Variants in ANKRD45 observed in about 807,000 individuals in gnomAD.
The protein encoded by ANKRD45 is ankyrin repeat domain 45.
Under a neutral mutation model 28.1 loss-of-function variants are expected in ANKRD45, and 21 were observed. The observed-to-expected ratio is 0.75, with a 90% CI of 0.53 to 1.08. The LOEUF (loss-of-function observed/expected upper bound fraction) is 1.08. ANKRD45 is among the 50% of genes least tolerant of loss of function. The pLI is 0.00. For missense variants in ANKRD45, 261 were observed against 308.7 expected, an observed-to-expected ratio of 0.85 and a Z score of 1.16; for synonymous variants, 86 against 103.9, an observed-to-expected ratio of 0.83 and a Z score of 1.05.
Position 173,610,043 on chromosome 1 carries a change from A to G in ANKRD45, c.*102T>C, listed in dbSNP as rs982786330. On this transcript the variant is annotated 3_prime_UTR_variant, in exon 6 of 6. Transcript: ENST00000333279. ...AAGGGCGATGTAATGTTGTACTTAA[A>G]TACTTAAAGAAACCCACATCTGTTT... 1 of 1,201,172 alleles carries G rather than the reference A, an allele frequency of 8.3e-7. No homozygotes were observed. The highest frequency in any genetic ancestry group is 1.2e-6 in the Non-Finnish European group (1 of 820,598). 74.4% of individuals were successfully genotyped at this position (1,201,172 alleles called of 1,614,324 possible).
chr1:173,625,060 G>A, intron 4 of ANKRD45, 135 bp from the exon 5 acceptor site: 1 of 822,266 alleles, frequency 1.2e-6, no homozygotes, highest in East Asian at 2.7e-5. Flanking sequence ...GTCCAATACA[G>A]TAGCCATTAG....
At chr1:173,617,860 T>A (rs908751928) in intron 5 of ANKRD45, among the ~76,000 whole-genome samples, 2 of 152,126 alleles carry the variant, frequency 1.3e-5, no homozygotes, top group Non-Finnish European at 2.9e-5. Context: ...TTCAGATACC[T>A]CCTACAGGAG....
At chr1:173,635,652 A>G (rs1331931336) in intron 3 of ANKRD45, 1 of 1,535,686 alleles carries the variant, frequency 6.5e-7, no homozygotes, top group Non-Finnish European at 8.7e-7. Context: ...GAAGTACATT[A>G]TTGGAAAGTT....
chr1:173,680,658 C>T, the ANKRD45 span, among the ~76,000 whole-genome samples: 37 of 151,892 alleles, frequency 2.4e-4, no homozygotes, highest in South Asian at 7.5e-3. Context: ...AAAATAAAGG[C>T]ACATGCATAT....
the ANKRD45 span, among the ~76,000 whole-genome samples, chr1:173,700,617 A>G: frequency 2.4e-4 from 36 of 152,230 alleles, no homozygotes; most frequent in Non-Finnish European, 4.1e-4. Context: ...CTGGCTAGCC[A>G]TATGTAGAAA....
the ANKRD45 span, among the ~76,000 whole-genome samples, chr1:173,702,217 G>A: frequency 1.3e-5 from 2 of 152,180 alleles, no homozygotes; most frequent in Admixed American, 6.5e-5. Flanking sequence ...TGGGTGACTA[G>A]GTAGCCTATG....
chr1:173,682,684 T>TACACACACACACACACACACAC, the ANKRD45 span, among the ~76,000 whole-genome samples: 353 of 144,014 alleles, frequency 2.5e-3, 4 homozygotes, highest in African/African-American at 8.4e-3. Flanking sequence ...GCCTTTTAAA[T>TACACACACACACACACACACAC]ACACACACAC....
At chr1:173,638,882 C>A in intron 3 of ANKRD45, among the ~76,000 whole-genome samples, 2 of 152,148 alleles carry the variant, frequency 1.3e-5, no homozygotes, top group East Asian at 3.9e-4. Context: ...GACTGACTAC[C>A]AAACAAAAGT....
At position 173,630,794 on chromosome 1, in the gene ANKRD45, T is replaced by G. The variant is rs1429044742; in HGVS notation, c.497-3635A>C. Among the ~76,000 whole-genome samples, 3 of 116,802 alleles carry G rather than the reference T, an allele frequency of 2.6e-5. No homozygotes were observed. In the Admixed American group the frequency reaches 3.5e-4, roughly 14 times the overall value. 76.6% of individuals were successfully genotyped at this position (116,802 alleles called of 152,430 possible). Reference sequence around the variant, plus strand: ...AAGATTGTGCCACTGCACTCTAACCTGGGTGACAGAGTAAGACTCTGTCTA... The same window carrying G: ...AAGATTGTGCCACTGCACTCTAACCGGGGTGACAGAGTAAGACTCTGTCTA... On this transcript the variant is annotated intron_variant, in intron 3 of 5. Coordinates refer to ENST00000333279, the MANE Select transcript of ANKRD45 (RefSeq NM_198493.3).
chr1:173,687,986 CTTTT>C, the ANKRD45 span, among the ~76,000 whole-genome samples: 1 of 128,598 alleles, frequency 7.8e-6, no homozygotes, highest in Non-Finnish European at 1.7e-5. Context: ...AATGTTGAAT[CTTTT>C]TTTTTTTTTT....
At chr1:173,694,208 G>C in the ANKRD45 span, among the ~76,000 whole-genome samples, 1 of 151,944 alleles carries the variant, frequency 6.6e-6, no homozygotes, top group African/African-American at 2.4e-5. Context: ...CTGTCACCCA[G>C]GCTGGAGTGC....
chr1:173,652,726 T>G (rs1469201136), intron 2 of ANKRD45, among the ~76,000 whole-genome samples: 1 of 152,220 alleles, frequency 6.6e-6, no homozygotes, highest in East Asian at 1.9e-4. Flanking sequence ...CATCTGCTCC[T>G]AGACTTTTTT....
chr1:173,695,582 T>G, the ANKRD45 span, among the ~76,000 whole-genome samples: 3 of 152,208 alleles, frequency 2.0e-5, no homozygotes, highest in Admixed American at 2.0e-4. Context: ...ATGTACTATA[T>G]TTTCTTCATC....
intron 2 of ANKRD45, among the ~76,000 whole-genome samples, chr1:173,651,058 T>C (rs1669190242): frequency 6.6e-6 from 1 of 152,210 alleles, no homozygotes; most frequent in African/African-American, 2.4e-5. Flanking sequence ...TTCACTCTGA[T>C]GGTAGTTTCT....
At chr1:173,639,273 C>G (rs1668598705) in intron 3 of ANKRD45, among the ~76,000 whole-genome samples, 1 of 152,152 alleles carries the variant, frequency 6.6e-6, no homozygotes, top group Non-Finnish European at 1.5e-5. Flanking sequence ...GAAGAGATAG[C>G]TATTGTACAT....
At chr1:173,690,338 G>A in the ANKRD45 span, among the ~76,000 whole-genome samples, 1 of 151,968 alleles carries the variant, frequency 6.6e-6, no homozygotes, top group Non-Finnish European at 1.5e-5. Context: ...TGTTTGAGGG[G>A]AAAGATCGGG....
the ANKRD45 span, among the ~76,000 whole-genome samples, chr1:173,678,067 G>T: frequency 6.6e-6 from 1 of 151,848 alleles, no homozygotes; most frequent in Non-Finnish European, 1.5e-5. Context: ...TTTAAAGGGG[G>T]AGAAAAAAAC....
intron 2 of ANKRD45, among the ~76,000 whole-genome samples, chr1:173,649,091 G>C (rs2102364750): frequency 6.6e-6 from 1 of 152,176 alleles, no homozygotes; most frequent in South Asian, 2.1e-4. Context: ...TTTAATTATT[G>C]TGTAATATTC....
At chr1:173,695,259 T>C in the ANKRD45 span, among the ~76,000 whole-genome samples, 5 of 152,208 alleles carry the variant, frequency 3.3e-5, no homozygotes, top group African/African-American at 7.2e-5. Flanking sequence ...GGTGGGTATA[T>C]AACATGATGC....
Sources: gnomAD v4.1 joint callset for allele counts (sites outside exome capture counted in the v4.1 genomes callset) on GRCh38, gnomAD v4.1.1 for gene constraint, MANE v1.5 for transcripts, NCBI Gene and HGNC (gene_info 2026-07-23, HGNC 2026-07-21) for gene names.